Variants in ERBB4 observed in about 807,000 individuals in gnomAD.
ERBB4 encodes receptor tyrosine-protein kinase erbB-4.
In ERBB4, 42 loss-of-function variants were observed where a neutral mutation model predicts 158.0. That is an observed-to-expected ratio of 0.27 (90% CI 0.21 to 0.34). The LOEUF is 0.34. ERBB4 is among the 10% of genes least tolerant of loss of function. The pLI is 1.00. For missense variants in ERBB4, 1,333 were observed against 1,624.1 expected (o/e 0.82, Z 3.08); for synonymous variants, 583 against 558.7 (o/e 1.04, Z -0.61).
rs997610564 is a variant in ERBB4 at position 211,380,247 on chromosome 2, C to G, written c.*3368G>C. ...AACCAGGAGCTGCTTGGTAGTCTAA[C>G]ACCTTTTGTGGTGCAGATGCTTTGT... On this transcript the variant is annotated 3_prime_UTR_variant, in exon 28 of 28. Coordinates refer to ENST00000342788, the MANE Select transcript of ERBB4 (RefSeq NM_005235.3). 4 of 232,272 alleles carry G rather than the reference C, an allele frequency of 1.7e-5. No homozygotes were observed. The highest frequency in any genetic ancestry group is 2.6e-5 in the Non-Finnish European group (3 of 117,552). The allele number at this position is 232,272 out of a possible 1,614,324, so 14.4% of individuals were successfully genotyped here.
intron 1 of ERBB4, among the ~76,000 whole-genome samples, chr2:212,442,679 T>C (rs561070300): frequency 2.6e-5 from 4 of 152,262 alleles, no homozygotes; most frequent in African/African-American, 9.6e-5. Flanking sequence ...CCAGAATGCA[T>C]AATTGGCATA....
At chr2:212,492,610 A>G (rs1280375938) in intron 1 of ERBB4, among the ~76,000 whole-genome samples, 4 of 151,508 alleles carry the variant, frequency 2.6e-5, no homozygotes, top group African/African-American at 7.2e-5. Context: ...GGTATCCTGA[A>G]TTAACATGCC....
At chr2:212,509,986 G>T (rs1457663547) in intron 1 of ERBB4, among the ~76,000 whole-genome samples, 1 of 151,514 alleles carries the variant, frequency 6.6e-6, no homozygotes, top group Non-Finnish European at 1.5e-5. Flanking sequence ...TCAGCACGTA[G>T]CATGTATTTA....
chr2:211,939,748 C>T (rs776286263), intron 3 of ERBB4, among the ~76,000 whole-genome samples: 74 of 151,970 alleles, frequency 4.9e-4, no homozygotes, highest in Non-Finnish European at 9.7e-4. Flanking sequence ...GAGATCGAGA[C>T]CATCCTGGCT....
In ERBB4 at chr2:211,381,629, A is replaced by T; in HGVS notation, c.*1986T>A. On this transcript the variant is annotated 3_prime_UTR_variant, in exon 28 of 28. Transcript: ENST00000342788. The stretch of plus-strand genomic sequence containing the variant: ...TTTATCTGAGTGTTCCCCACAAAAC[A>T]TGGTGCTTTTAGTAGACACAGTTAG... The T allele has an allele frequency of 4.3e-6, 1 of 231,618 alleles. No homozygotes were observed. Among genetic ancestry groups the T allele is most frequent in the East Asian group, 6.1e-5 (1 of 16,322 alleles). The allele number at this position is 231,618 out of a possible 1,614,324, so 14.3% of individuals were successfully genotyped here. A position where few individuals can be genotyped will look rare whatever the true frequency, so the allele number is the denominator to read the frequency against.
At chr2:211,606,388 C>T (rs911284995) in intron 19 of ERBB4, among the ~76,000 whole-genome samples, 4 of 151,562 alleles carry the variant, frequency 2.6e-5, no homozygotes, top group Non-Finnish European at 5.9e-5. Context: ...GAGAAAATAA[C>T]CAGTGGGGAA....
At chr2:212,004,632 A>T (rs2076218096) in intron 2 of ERBB4, among the ~76,000 whole-genome samples, 1 of 152,098 alleles carries the variant, frequency 6.6e-6, no homozygotes, top group East Asian at 1.9e-4. Context: ...ATTACCTGGC[A>T]TTGAATTGTA....
At chr2:212,116,111 T>G (rs2079564066) in intron 2 of ERBB4, among the ~76,000 whole-genome samples, 1 of 151,954 alleles carries the variant, frequency 6.6e-6, no homozygotes, top group Non-Finnish European at 1.5e-5. Context: ...TTATATAAGG[T>G]TAATATTATA....
intron 1 of ERBB4, among the ~76,000 whole-genome samples, chr2:212,366,501 T>C (rs1374633339): frequency 6.6e-6 from 1 of 151,948 alleles, no homozygotes; most frequent in Non-Finnish European, 1.5e-5. Context: ...ATAAAACACA[T>C]GAATTCAGGG....
intron 20 of ERBB4, among the ~76,000 whole-genome samples, chr2:211,556,466 C>CA (rs1185638498): frequency 6.6e-6 from 1 of 152,032 alleles, no homozygotes; most frequent in East Asian, 1.9e-4. Flanking sequence ...AAGTCTCCAC[C>CA]AAAAACAATA....
intron 3 of ERBB4, among the ~76,000 whole-genome samples, chr2:211,907,024 T>G (rs1055067525): frequency 1.3e-5 from 2 of 151,712 alleles, no homozygotes; most frequent in African/African-American, 4.8e-5. Flanking sequence ...TCTGACCTTT[T>G]TTCCATTCCA....
intron 1 of ERBB4, among the ~76,000 whole-genome samples, chr2:212,187,838 G>A (rs561900949): frequency 1.8e-4 from 28 of 152,140 alleles, no homozygotes; most frequent in Non-Finnish European, 3.2e-4. Context: ...TGAAATATTA[G>A]AAGTGATGTT....
At chr2:212,535,078 G>A (rs1242254919) in intron 1 of ERBB4, among the ~76,000 whole-genome samples, 1 of 151,880 alleles carries the variant, frequency 6.6e-6, no homozygotes, top group African/African-American at 2.4e-5. Flanking sequence ...AAAAGCAGTT[G>A]AGTTTAAGAG....
chr2:212,205,022 T>G (rs1429025022), intron 1 of ERBB4, among the ~76,000 whole-genome samples: 1 of 151,726 alleles, frequency 6.6e-6, no homozygotes, highest in Non-Finnish European at 1.5e-5. Flanking sequence ...TTCTCCATAT[T>G]GGCCAGGCTA....
chr2:212,054,517 A>G (rs1392551320), intron 2 of ERBB4, among the ~76,000 whole-genome samples: 1 of 152,202 alleles, frequency 6.6e-6, no homozygotes, highest in East Asian at 1.9e-4. Context: ...TTTCTACTGG[A>G]AGAAAACTAG....
intron 2 of ERBB4, among the ~76,000 whole-genome samples, chr2:212,048,414 G>T (rs1238453085): frequency 1.3e-5 from 2 of 152,138 alleles, no homozygotes; most frequent in African/African-American, 4.8e-5. Context: ...TTTAGAGCAG[G>T]GTGCTGGTAG....
At chr2:211,758,362 CAT>C (rs2075332126) in intron 4 of ERBB4, among the ~76,000 whole-genome samples, 1 of 152,074 alleles carries the variant, frequency 6.6e-6, no homozygotes, top group African/African-American at 2.4e-5. Flanking sequence ...TTGGAAAAGT[CAT>C]ATGTTAATAA....
At chr2:211,721,494 C>A (rs1477745698) in intron 7 of ERBB4, among the ~76,000 whole-genome samples, 2 of 126,072 alleles carry the variant, frequency 1.6e-5, no homozygotes, top group Admixed American at 8.5e-5. Context: ...AATATATTAT[C>A]CTGAATACCT....
At chr2:211,566,019 A>G (rs2067534755) in intron 19 of ERBB4, among the ~76,000 whole-genome samples, 1 of 152,188 alleles carries the variant, frequency 6.6e-6, no homozygotes, top group Non-Finnish European at 1.5e-5. Flanking sequence ...TTTCTTGCTG[A>G]GCCCACCAGG....
Sources: gnomAD v4.1 joint callset for allele counts (sites outside exome capture counted in the v4.1 genomes callset) on GRCh38, gnomAD v4.1.1 for gene constraint, MANE v1.5 for transcripts, NCBI Gene and HGNC (gene_info 2026-07-23, HGNC 2026-07-21) for gene names.